The following KATNIP variants were observed in gnomAD, a reference collection of about 807,000 sequenced individuals.
KATNIP encodes the protein katanin interacting protein, also known as katanin-interacting protein.
A neutral mutation model predicts 174.0 loss-of-function variants in KATNIP; 126 were observed. That is an observed-to-expected ratio of 0.72 (90% confidence interval 0.63 to 0.84). The LOEUF (loss-of-function observed/expected upper bound fraction) is 0.84, where lower values mean the gene tolerates loss of function less well. Ranked by LOEUF, KATNIP falls within the 40% of genes least tolerant of loss-of-function variation. The pLI is 0.00. For missense variants in KATNIP, 1,958 were observed against 2,109.7 expected, an observed-to-expected ratio of 0.93 and a Z score of 1.41; for synonymous variants, 810 against 835.7, an observed-to-expected ratio of 0.97 and a Z score of 0.53.
chr16:27,681,240 G>A (rs1327723890), intron 7 of KATNIP, 159 bp from the exon 8 acceptor site: 12 of 890,432 alleles, frequency 1.3e-5, no homozygotes, highest in East Asian at 5.1e-5. Context: ...AACTTGTTTC[G>A]TCGCCTGCAT....
At chr16:27,618,082 A>C (rs1483310633) in intron 2 of KATNIP, among the ~76,000 whole-genome samples, 1 of 152,166 alleles carries the variant, frequency 6.6e-6, no homozygotes, top group Non-Finnish European at 1.5e-5. Flanking sequence ...TCTGGTTATG[A>C]CAATTGAGAT....
intron 9 of KATNIP, among the ~76,000 whole-genome samples, chr16:27,698,912 C>A (rs2079005843): frequency 2.0e-5 from 3 of 152,218 alleles, no homozygotes; most frequent in Admixed American, 2.0e-4. Context: ...CCCTATTGTC[C>A]TGCCCCTGGC....
chr16:27,680,719 G>C (rs954087044), intron 7 of KATNIP, among the ~76,000 whole-genome samples: 1 of 152,050 alleles, frequency 6.6e-6, no homozygotes, highest in Non-Finnish European at 1.5e-5. Flanking sequence ...GGCGGGGAAC[G>C]AAGTCTTGCT....
intron 5 of KATNIP, among the ~76,000 whole-genome samples, chr16:27,639,070 C>T (rs1371853029): frequency 6.6e-6 from 1 of 152,112 alleles, no homozygotes; most frequent in African/African-American, 2.4e-5. Context: ...ACGGTCTCAC[C>T]CAACAATAAG....
At chr16:27,575,619 C>T (rs1054950983) in intron 2 of KATNIP, among the ~76,000 whole-genome samples, 3 of 152,206 alleles carry the variant, frequency 2.0e-5, no homozygotes, top group Non-Finnish European at 4.4e-5. Context: ...CCTGGTCTTT[C>T]TCCTTCCATC....
At chr16:27,650,517 C>T (rs1174946157) in intron 6 of KATNIP, among the ~76,000 whole-genome samples, 1 of 152,210 alleles carries the variant, frequency 6.6e-6, no homozygotes, top group Non-Finnish European at 1.5e-5. Context: ...GCCAGAGTGG[C>T]ATTTGTTCAA....
At chr16:27,598,007 C>T (rs2075392936) in intron 2 of KATNIP, among the ~76,000 whole-genome samples, 1 of 152,056 alleles carries the variant, frequency 6.6e-6, no homozygotes, top group Admixed American at 6.6e-5. Context: ...GTGGGCAGAT[C>T]GTCTGAGCTC....
chr16:27,568,445 C>T (rs2090167266), intron 1 of KATNIP, among the ~76,000 whole-genome samples: 1 of 152,128 alleles, frequency 6.6e-6, no homozygotes, highest in Admixed American at 6.5e-5. Context: ...GTGTGAGCAA[C>T]CGGGCCTTGC....
At chr16:27,649,033 G>C (rs181971515) in intron 6 of KATNIP, among the ~76,000 whole-genome samples, 1 of 152,200 alleles carries the variant, frequency 6.6e-6, no homozygotes, top group Non-Finnish European at 1.5e-5. Context: ...AGAGCATGGC[G>C]CAGACAGAGG....
chr16:27,698,537 C>T (rs2078994582), intron 9 of KATNIP, 37 bp downstream of exon 9: 2 of 1,567,268 alleles, frequency 1.3e-6, no homozygotes, highest in East Asian at 2.3e-5. Context: ...GGGGGATGCT[C>T]CCTGGACTGG....
chr16:27,778,553 C>A (rs1227020173), intron 27 of KATNIP, 21 bp from the exon 28 acceptor site: 1 of 1,612,926 alleles, frequency 6.2e-7, no homozygotes, highest in Admixed American at 1.7e-5. Context: ...ACTCTGGTCC[C>A]TCTGTTCCCT....
chr16:27,640,135 T>A (rs910326536), intron 5 of KATNIP, among the ~76,000 whole-genome samples: 1 of 152,184 alleles, frequency 6.6e-6, no homozygotes, highest in African/African-American at 2.4e-5. Flanking sequence ...GGGCCAGGTA[T>A]GAAATAAGCT....
Position 27,646,037 on chromosome 16 carries a change from A to G in KATNIP, c.409-2567A>G, listed in dbSNP as rs186773658. 3.9e-5 allele frequency among the ~76,000 whole-genome samples: 6 copies of G among 152,296 alleles called. No individual in the cohort carries two copies. In the East Asian group the frequency reaches 1.2e-3, roughly 29 times the overall value. The stretch of plus-strand genomic sequence containing the variant: ...TGGATGCATGGAAAAGATTTGGGAA[A>G]ATGGCATTCAGATTGGGAGAATAGC... On this transcript the variant is annotated intron_variant, in intron 5 of 27. Coordinates refer to ENST00000261588, the MANE Select transcript of KATNIP (RefSeq NM_015202.5).
intron 5 of KATNIP, among the ~76,000 whole-genome samples, chr16:27,631,660 C>G (rs1342771023): frequency 6.6e-6 from 1 of 152,180 alleles, no homozygotes; most frequent in African/African-American, 2.4e-5. Flanking sequence ...CACGGCCCTC[C>G]CCTTTGGATG....
At position 27,616,657 on chromosome 16, in the gene KATNIP, A is replaced by C. The variant is rs572362514; in HGVS notation, c.64-1768A>C. ...CAGGAGAATCGCTTGAACCTGGGAG[A>C]TGGAGGTTTCAGTGAGCTGAGATCG... On this transcript the variant is annotated intron_variant, in intron 2 of 27. Coordinates refer to ENST00000261588, the MANE Select transcript of KATNIP (RefSeq NM_015202.5). 1.7e-4 allele frequency among the ~76,000 whole-genome samples: 25 copies of C among 151,288 alleles called. No individual in the cohort carries two copies. The South Asian group carries it at 5.2e-3, about 32-fold the overall frequency.
chr16:27,638,481 C>A (rs2076701307), intron 5 of KATNIP, among the ~76,000 whole-genome samples: 1 of 152,154 alleles, frequency 6.6e-6, no homozygotes, highest in African/African-American at 2.4e-5. Flanking sequence ...TCTATCCTAA[C>A]CCTTTTGGAT....
At chr16:27,734,827 T>C (rs552550467) in intron 14 of KATNIP, among the ~76,000 whole-genome samples, 1 of 152,292 alleles carries the variant, frequency 6.6e-6, no homozygotes, top group South Asian at 2.1e-4. Flanking sequence ...CACAGAAAGA[T>C]GGTGGTTAAG....
chr16:27,730,355 A>G (rs1248901293), intron 14 of KATNIP, among the ~76,000 whole-genome samples: 1 of 152,082 alleles, frequency 6.6e-6, no homozygotes, highest in African/African-American at 2.4e-5. Flanking sequence ...AGGATCCCAC[A>G]TTTACACCTG....
At chr16:27,575,908 ATCTT>A (rs2090480359) in intron 2 of KATNIP, among the ~76,000 whole-genome samples, 2 of 152,166 alleles carry the variant, frequency 1.3e-5, no homozygotes, top group South Asian at 4.1e-4. Flanking sequence ...CTGGTAAGGA[ATCTT>A]TCTCTGGAGG....
Sources: gnomAD v4.1 joint callset for allele counts (sites outside exome capture counted in the v4.1 genomes callset) on GRCh38, gnomAD v4.1.1 for gene constraint, MANE v1.5 for transcripts, NCBI Gene and HGNC (gene_info 2026-07-23, HGNC 2026-07-21) for gene names.